IL1RAPL1: variants seen among roughly 807,000 people sequenced by gnomAD.
IL1RAPL1 encodes the protein interleukin-1 receptor accessory protein-like 1.
In IL1RAPL1, 3 loss-of-function variants were observed where a neutral mutation model predicts 48.4. The observed-to-expected ratio is 0.06, with a 90% CI of 0.03 to 0.16. IL1RAPL1 has a LOEUF of 0.16. Ranked by LOEUF, IL1RAPL1 falls within the 10% of genes least tolerant of loss-of-function variation. The probability of loss-of-function intolerance (pLI) is 1.00; values close to 1 mark genes in which losing one functional copy is unlikely to be tolerated. For missense variants in IL1RAPL1, 349 were observed against 530.6 expected (o/e 0.66, Z 3.36); for synonymous variants, 185 against 187.7 (o/e 0.99, Z 0.12).
At chrX:29,609,403 A>C (rs777467321) in intron 5 of IL1RAPL1, among the ~76,000 whole-genome samples, 13 of 111,985 alleles carry the variant, frequency 1.2e-4, no homozygotes, top group African/African-American at 4.2e-4. Context: ...AAACTTCCCT[A>C]TAAGGCCAAC....
chrX:29,155,059 T>C (rs1186893175), intron 2 of IL1RAPL1, among the ~76,000 whole-genome samples: 1 of 108,305 alleles, frequency 9.2e-6, no homozygotes, highest in Non-Finnish European at 1.9e-5. Flanking sequence ...CCAGGCTGGA[T>C]TGCAATGGCA....
At chrX:29,836,188 C>CT (rs201175211) in intron 6 of IL1RAPL1, among the ~76,000 whole-genome samples, 119 of 89,171 alleles carry the variant, frequency 1.3e-3, no homozygotes, top group African/African-American at 3.5e-3. Flanking sequence ...TTTCATTTTT[C>CT]TTTTTTTTTT....
At chrX:28,925,918 TCA>T (rs907400523) in intron 2 of IL1RAPL1, among the ~76,000 whole-genome samples, 1 of 111,229 alleles carries the variant, frequency 9.0e-6, no homozygotes, top group African/African-American at 3.3e-5. Flanking sequence ...AGACTCTGTC[TCA>T]CACACACACA....
chrX:29,530,514 G>A (rs1399018507), intron 5 of IL1RAPL1, among the ~76,000 whole-genome samples: 1 of 111,911 alleles, frequency 8.9e-6, no homozygotes, highest in African/African-American at 3.2e-5. Context: ...TGGAGGTAGG[G>A]TATTTGTACA....
At chrX:29,341,590 A>G (rs1357558286) in intron 3 of IL1RAPL1, among the ~76,000 whole-genome samples, 2 of 111,322 alleles carry the variant, frequency 1.8e-5, no homozygotes, top group Non-Finnish European at 1.9e-5. Flanking sequence ...TTTAAAAATA[A>G]TAGTGTAGTT....
chrX:29,547,540 T>A (rs752431986), intron 5 of IL1RAPL1, among the ~76,000 whole-genome samples: 1 of 111,966 alleles, frequency 8.9e-6, no homozygotes, highest in South Asian at 3.7e-4. Context: ...ACACTTAAGC[T>A]CTTGGGAAAT....
chrX:29,547,390 A>G (rs1297285263), intron 5 of IL1RAPL1, among the ~76,000 whole-genome samples: 1 of 111,275 alleles, frequency 9.0e-6, no homozygotes, highest in Non-Finnish European at 1.9e-5. Context: ...GACTGTCTAT[A>G]TTAAAATAAC....
At chrX:29,584,722 A>G (rs1054284674) in intron 5 of IL1RAPL1, among the ~76,000 whole-genome samples, 8 of 111,199 alleles carry the variant, frequency 7.2e-5, no homozygotes, top group Admixed American at 9.6e-5. Flanking sequence ...CTTGGCTGGT[A>G]TTTTTTATTT....
chrX:28,760,660 G>T (rs904395449), intron 1 of IL1RAPL1, among the ~76,000 whole-genome samples: 1 of 111,590 alleles, frequency 9.0e-6, no homozygotes, highest in African/African-American at 3.3e-5. Context: ...ATATACTTCA[G>T]TCTATTCAAG....
chrX:28,725,273 A>G (rs990010915), intron 1 of IL1RAPL1, among the ~76,000 whole-genome samples: 2 of 111,328 alleles, frequency 1.8e-5, no homozygotes, highest in Non-Finnish European at 3.8e-5. Flanking sequence ...TTAAAACACA[A>G]TCAAACACAT....
At chrX:29,434,528 C>T (rs1474051874) in intron 5 of IL1RAPL1, among the ~76,000 whole-genome samples, 7 of 110,632 alleles carry the variant, frequency 6.3e-5, no homozygotes, top group African/African-American at 2.0e-4. Context: ...TTTTTGCCAT[C>T]TAATCTGCTG....
At chrX:28,912,804 G>A (rs1416324845) in intron 2 of IL1RAPL1, among the ~76,000 whole-genome samples, 1 of 111,177 alleles carries the variant, frequency 9.0e-6, no homozygotes, top group Admixed American at 9.6e-5. Context: ...TAGCCACAGA[G>A]CTTGTAAAGG....
chrX:29,158,115 G>A (rs1329556839), intron 2 of IL1RAPL1, among the ~76,000 whole-genome samples: 1 of 111,001 alleles, frequency 9.0e-6, no homozygotes, highest in African/African-American at 3.3e-5. Context: ...TTCCTTATTT[G>A]ATTAGCAGTG....
At chrX:28,698,043 A>G (rs1480356641) in intron 1 of IL1RAPL1, among the ~76,000 whole-genome samples, 1 of 111,585 alleles carries the variant, frequency 9.0e-6, no homozygotes, top group East Asian at 2.8e-4. Flanking sequence ...CCAGCTATTT[A>G]AAGTTATCTT....
intron 1 of IL1RAPL1, among the ~76,000 whole-genome samples, chrX:28,699,999 A>C (rs1027492225): frequency 2.5e-4 from 28 of 111,664 alleles, no homozygotes; most frequent in African/African-American, 8.8e-4. Context: ...GGTCTTACAA[A>C]ACCTGACATA....
intron 2 of IL1RAPL1, among the ~76,000 whole-genome samples, chrX:29,270,089 T>C (rs977144705): frequency 3.6e-5 from 4 of 112,144 alleles, no homozygotes; most frequent in African/African-American, 1.3e-4. Context: ...CATGTATAAA[T>C]AATTCATTCA....
intron 6 of IL1RAPL1, among the ~76,000 whole-genome samples, chrX:29,697,485 A>T (rs1241817487): frequency 1.8e-5 from 2 of 111,923 alleles, no homozygotes; most frequent in African/African-American, 6.5e-5. Flanking sequence ...TGTGGGCAAA[A>T]TGTATGTGTG....
At chrX:29,681,768 T>C (rs1322245383) in intron 6 of IL1RAPL1, among the ~76,000 whole-genome samples, 3 of 112,051 alleles carry the variant, frequency 2.7e-5, no homozygotes, top group Non-Finnish European at 5.6e-5. Context: ...TTCCTATGTA[T>C]TGTCATCAGA....
intron 2 of IL1RAPL1, chrX:28,942,301 T>A (rs189724481): frequency 1.8e-5 from 2 of 109,450 alleles, no homozygotes; most frequent in African/African-American, 6.6e-5. Context: ...TGCAATGTAA[T>A]AAAATATAAT....
Sources: allele counts gnomAD v4.1 joint callset (sites outside exome capture counted in the v4.1 genomes callset), GRCh38; gene constraint gnomAD v4.1.1; transcripts MANE v1.5; gene names NCBI Gene and HGNC (gene_info 2026-07-23, HGNC 2026-07-21).